Variants in CATSPER3 observed in about 807,000 individuals in gnomAD.
CATSPER3 encodes cation channel sperm associated 3, also known as cation channel sperm-associated protein 3.
In CATSPER3, 23 loss-of-function variants were observed where a neutral mutation model predicts 36.6. The observed-to-expected ratio is 0.63, with a 90% CI of 0.45 to 0.89. The LOEUF is 0.89. CATSPER3 is among the 40% of genes least tolerant of loss of function. The pLI, the probability that CATSPER3 is intolerant of heterozygous loss-of-function variation, is 0.00. For missense variants in CATSPER3, 474 were observed against 503.9 expected (o/e 0.94, Z 0.57); for synonymous variants, 172 against 184.1 (o/e 0.93, Z 0.53).
In CATSPER3 at chr5:135,009,287, C is replaced by T. The variant is rs112736392; in HGVS notation, c.817-84C>T. ...GTGCTCCTGCTGAGGGCCTGAGCAG[C>T]GGTGCAAGACTGGGGAAGAGGAAAG... On this transcript the variant is annotated intron_variant, in intron 5 of 7. Transcript: ENST00000282611. 2,085 of 1,399,642 alleles carry T rather than the reference C, an allele frequency of 1.5e-3. 15 individuals are homozygous for T. The African/African-American group carries it at 0.02, about 13-fold the overall frequency. 86.7% of individuals were successfully genotyped at this position (1,399,642 alleles called of 1,614,324 possible).
Position 134,968,082 on chromosome 5 carries a change from A to T in CATSPER3, c.91A>T (p.Lys31Ter), listed in dbSNP as rs1751556210. The T allele has an allele frequency of 1.3e-6, 2 of 1,597,922 alleles. No individual in the cohort carries two copies. The highest frequency in any genetic ancestry group is 2.7e-5 in the African/African-American group (2 of 74,592). ...GGTGGGATTTTGCCCAACATTCAAG[A>T]AATTTAAGTAAATATTATCTATCTC... ...TSVGFCPTFK[K>*]FKRNDDECRA... Residue 31 changes from lysine to a stop codon, truncating the protein, a stop_gained, in exon 1 of 8, where the codon AAA becomes TAA. Transcript: ENST00000282611. LOFTEE classifies it high-confidence loss of function.
chr5:135,004,921 G>A (rs541640633), intron 3 of CATSPER3, among the ~76,000 whole-genome samples: 1 of 152,282 alleles, frequency 6.6e-6, no homozygotes, highest in East Asian at 1.9e-4. Context: ...GGGTTGTGAT[G>A]TCCTCTGCTG....
intron 3 of CATSPER3, among the ~76,000 whole-genome samples, chr5:135,002,496 T>C (rs60368320): frequency 0.12 from 18,061 of 152,184 alleles, 3,447 homozygotes; most frequent in African/African-American, 0.41. Context: ...TTTCCTGAAT[T>C]TGAGTGTTGG....
intron 2 of CATSPER3, 100 bp downstream of exon 2, chr5:134,970,192 C>T (rs988097656): frequency 2.5e-6 from 3 of 1,179,576 alleles, no homozygotes; most frequent in African/African-American, 3.0e-5. Context: ...CAGAATCTCA[C>T]TCTGTCAGGC....
rs747061105 is a variant in CATSPER3, at chr5:134,969,934, G to A, written c.99-5G>A. On this transcript the variant is annotated splice_polypyrimidine_tract_variant and splice_region_variant and intron_variant, in intron 1 of 7. Transcript: ENST00000282611. ...AACCATACTTCACATTCAACTTTTTGACAGGAGGAACGATGATGAATGTCG... is the reference window on the plus strand; with the variant it reads ...AACCATACTTCACATTCAACTTTTTAACAGGAGGAACGATGATGAATGTCG... 7 of 1,613,872 alleles carry A rather than the reference G, an allele frequency of 4.3e-6. No homozygotes were observed. In the Admixed American group the frequency reaches 1.2e-4, roughly 27 times the overall value.
At chr5:134,996,878 C>T (rs1358564184) in intron 3 of CATSPER3, among the ~76,000 whole-genome samples, 1 of 152,212 alleles carries the variant, frequency 6.6e-6, no homozygotes, top group East Asian at 1.9e-4. Context: ...CCCAGGACGC[C>T]TTGGCTTTTT....
intron 3 of CATSPER3, among the ~76,000 whole-genome samples, chr5:134,998,326 GCATT>G (rs1209960281): frequency 1.3e-5 from 2 of 152,108 alleles, no homozygotes; most frequent in Non-Finnish European, 2.9e-5. Flanking sequence ...TCATTGATGG[GCATT>G]CGGGTTGGTT....
intron 2 of CATSPER3, among the ~76,000 whole-genome samples, chr5:134,977,617 C>T (rs534809402): frequency 3.8e-4 from 58 of 152,302 alleles, no homozygotes; most frequent in Middle Eastern, 3.4e-3. Flanking sequence ...CTGAGACTTC[C>T]AAGCTCTTCC....
intron 2 of CATSPER3, among the ~76,000 whole-genome samples, chr5:134,978,609 C>G (rs1175497380): frequency 6.6e-6 from 1 of 151,814 alleles, no homozygotes; most frequent in Non-Finnish European, 1.5e-5. Context: ...GAAGTCATGG[C>G]TAATGCAATA....
chr5:134,970,350 G>A (rs1032093481), intron 2 of CATSPER3, among the ~76,000 whole-genome samples: 8 of 151,876 alleles, frequency 5.3e-5, no homozygotes, highest in Non-Finnish European at 8.8e-5. Context: ...TAGTAGAGAC[G>A]GGGTTTCACC....
intron 2 of CATSPER3, among the ~76,000 whole-genome samples, chr5:134,986,833 A>T (rs1377918163): frequency 6.6e-6 from 1 of 152,224 alleles, no homozygotes; most frequent in Non-Finnish European, 1.5e-5. Flanking sequence ...AGATGAAAAT[A>T]AAAAACATAA....
At chr5:135,001,825 C>T (rs1015904097) in intron 3 of CATSPER3, among the ~76,000 whole-genome samples, 31 of 152,192 alleles carry the variant, frequency 2.0e-4, no homozygotes, top group Non-Finnish European at 3.8e-4. Flanking sequence ...GTAGATTTTC[C>T]TCCATCCCTT....
At chr5:135,008,257 T>C in intron 4 of CATSPER3, 118 bp downstream of exon 4, 1 of 835,134 alleles carries the variant, frequency 1.2e-6, no homozygotes, top group Non-Finnish European at 2.0e-6. Flanking sequence ...CAGGTACTCA[T>C]CTGGGCCTAG....
chr5:134,987,744 A>G (rs141821526), intron 2 of CATSPER3, among the ~76,000 whole-genome samples: 1 of 152,358 alleles, frequency 6.6e-6, no homozygotes, highest in Non-Finnish European at 1.5e-5. Context: ...GATGAAATCC[A>G]GCATTCTTTC....
At chr5:134,991,896 C>T (rs1039545289) in intron 2 of CATSPER3, among the ~76,000 whole-genome samples, 3 of 151,874 alleles carry the variant, frequency 2.0e-5, no homozygotes, top group South Asian at 2.1e-4. Context: ...TTTGAGAGGC[C>T]GAGGTGGGAG....
chr5:134,981,881 G>A (rs1250463814), intron 2 of CATSPER3, among the ~76,000 whole-genome samples: 1 of 152,156 alleles, frequency 6.6e-6, no homozygotes, highest in African/African-American at 2.4e-5. Context: ...TGTAATCCCG[G>A]CAATTTGGGA....
At chr5:134,986,775 T>G (rs925912849) in intron 2 of CATSPER3, among the ~76,000 whole-genome samples, 1 of 152,190 alleles carries the variant, frequency 6.6e-6, no homozygotes, top group African/African-American at 2.4e-5. Context: ...CAGCATACTC[T>G]TAACTAATGG....
chr5:135,006,680 A>C (rs915113664), intron 3 of CATSPER3, among the ~76,000 whole-genome samples: 4 of 149,410 alleles, frequency 2.7e-5, no homozygotes, highest in African/African-American at 1.0e-4. Context: ...CTAAAAATAC[A>C]AAAAAAAATT....
intron 6 of CATSPER3, 71 bp from the exon 7 acceptor site, chr5:135,010,302 G>C: frequency 2.2e-6 from 3 of 1,359,112 alleles, no homozygotes; most frequent in Admixed American, 1.7e-5. Flanking sequence ...ATCCTGGAGA[G>C]TCTCCATGTC....
Sources: allele counts gnomAD v4.1 joint callset (sites outside exome capture counted in the v4.1 genomes callset), GRCh38; gene constraint gnomAD v4.1.1; transcripts MANE v1.5; gene names NCBI Gene and HGNC (gene_info 2026-07-23, HGNC 2026-07-21).